The following FBXO11 variants were observed in gnomAD, a reference collection of about 807,000 sequenced individuals.
FBXO11 encodes F-box only protein 11.
Under a neutral mutation model 117.0 loss-of-function variants are expected in FBXO11, and 13 were observed. That is an observed-to-expected ratio of 0.11 (90% confidence interval 0.07 to 0.18). The LOEUF is 0.18. FBXO11 is among the 10% of genes least tolerant of loss of function. FBXO11 has a pLI of 1.00. For synonymous variants in FBXO11, 490 were observed against 380.5 expected, an observed-to-expected ratio of 1.29 and a Z score of -3.35; for missense variants, 767 against 1,164.4, an observed-to-expected ratio of 0.66 and a Z score of 4.97.
At chr2:47,885,538 G>A (rs1676762978) in intron 1 of FBXO11, among the ~76,000 whole-genome samples, 1 of 151,834 alleles carries the variant, frequency 6.6e-6, no homozygotes, top group South Asian at 2.1e-4. Flanking sequence ...TCACACCACT[G>A]CACTCCAGCC....
chr2:47,863,019 C>T (rs936046585), intron 1 of FBXO11, among the ~76,000 whole-genome samples: 4 of 147,704 alleles, frequency 2.7e-5, no homozygotes, highest in Admixed American at 1.4e-4. Context: ...CGCGCCATCA[C>T]ACTCCAGCCT....
Position 47,809,169 on chromosome 2 carries a change from A to G in FBXO11, c.2544T>C (p.His848=), listed in dbSNP as rs765634013. ...TATTTCTAAGTTACCTGTAGAAATC[A>G]TGCATGGGATAGCTGGTATAACTTG... ...KISSYTSYPM[H]DFYRCHTCNT... is the part of the protein sequence containing the mutation. Residue 848 remains histidine (H), a synonymous_variant, in exon 21 of 23, where the codon CAT becomes CAC. Coordinates refer to ENST00000403359, the MANE Select transcript of FBXO11 (RefSeq NM_001190274.2). 1.9e-6 allele frequency: 3 copies of G among 1,572,804 alleles called. No homozygotes were observed. The highest frequency in any genetic ancestry group is 2.3e-5 in the East Asian group (1 of 44,180).
chr2:47,901,063 GTATA>G (rs562381351), intron 1 of FBXO11, among the ~76,000 whole-genome samples: 7 of 107,602 alleles, frequency 6.5e-5, no homozygotes, highest in South Asian at 2.6e-4. Flanking sequence ...ACATATATAT[GTATA>G]TATATACACA....
rs750843302 is a variant in FBXO11, at chr2:47,839,491, T to C, written c.370A>G (p.Thr124Ala). The change falls in exon 3 of 23, where the codon ACT (threonine) becomes GCT (alanine). Residue 124 changes from threonine (T) to alanine (A), a missense_variant. By Grantham distance (58) the Thr-to-Ala change is moderately conservative. Around this residue, in one of 10 missense-constraint regions of FBXO11, gnomAD observed 355 missense variants for 299.8 expected, o/e 1.18. Transcript: ENST00000403359. Reference sequence around the variant, plus strand: ...TGACCAAAGTTTTCTGTAGTTGAAGTTGAGGCGCCCTTCAAAAACAAAACA... The same window carrying C: ...TGACCAAAGTTTTCTGTAGTTGAAGCTGAGGCGCCCTTCAAAAACAAAACA... Reference protein sequence around the residue: ...PTKNSMEGASTSTTENFGHRA... With the variant: ...PTKNSMEGASASTTENFGHRA... 1.2e-6 allele frequency: 2 copies of C among 1,613,700 alleles called. No individual in the cohort carries two copies.
At position 47,807,310 on chromosome 2, in the gene FBXO11, T is replaced by A. The variant is rs1339553346; in HGVS notation, c.*808A>T. On this transcript the variant is annotated 3_prime_UTR_variant, in exon 23 of 23. Transcript: ENST00000403359. ...TTAAAACATAGTAGTTTTTTACCTT[T>A]CACAAAACTGAGTTACAAGAATACT... is the stretch of plus-strand genomic sequence containing the variant. 1 of 215,470 alleles carries A rather than the reference T, an allele frequency of 4.6e-6. No individual in the cohort carries two copies. Among genetic ancestry groups the A allele is most frequent in the African/African-American group, 2.3e-5 (1 of 44,252 alleles). The allele number at this position is 215,470 out of a possible 1,614,324, so 13.3% of individuals were successfully genotyped here.
At chr2:47,867,109 AT>A (rs1331166912) in intron 1 of FBXO11, among the ~76,000 whole-genome samples, 1 of 152,122 alleles carries the variant, frequency 6.6e-6, no homozygotes, top group African/African-American at 2.4e-5. Flanking sequence ...AATTGCTTTA[AT>A]TACTTAATTT....
In FBXO11 at chr2:47,808,398, T is replaced by A. The variant is rs1273962149; in HGVS notation, c.2585A>T (p.Asn862Ile). Residue 862 changes from asparagine to isoleucine, a missense_variant, in exon 22 of 23, where the codon AAT (asparagine) becomes ATT (isoleucine). Asn to Ile is a moderately radical substitution (Grantham distance 149). Transcript: ENST00000403359. ...CTTAATGCAGTTCACACATATGGCA[T>A]TTCGATCTGTGGTGTTACAAGTATG... ...RCHTCNTTDR[N>I]AICVNCIKKC... 1 of 1,606,530 alleles carries A rather than the reference T, an allele frequency of 6.2e-7. No individual in the cohort carries two copies. Among genetic ancestry groups the A allele is most frequent in the Non-Finnish European group, 8.5e-7 (1 of 1,176,946 alleles).
chr2:47,891,663 T>C (rs1320613229), intron 1 of FBXO11, among the ~76,000 whole-genome samples: 2 of 152,198 alleles, frequency 1.3e-5, no homozygotes, highest in Admixed American at 6.5e-5. Flanking sequence ...GATCATATGA[T>C]AGTTCTATTT....
rs563932479 is a variant in FBXO11, at chr2:47,853,504, T to A, written c.233-13735A>T. 5.2e-4 allele frequency among the ~76,000 whole-genome samples: 79 copies of A among 152,320 alleles called. 1 individual carries two copies. The highest frequency in any genetic ancestry group is 1.3e-4 in the Non-Finnish European group (9 of 68,018). Reference sequence around the variant, plus strand: ...TCAGATGTTTTAGTATTGTAAATAGTAGTATGTGGAGACAGTATAGCACAA... The same window carrying A: ...TCAGATGTTTTAGTATTGTAAATAGAAGTATGTGGAGACAGTATAGCACAA... On this transcript the variant is annotated intron_variant, in intron 1 of 22. Transcript: ENST00000403359.
At chr2:47,894,897 T>G (rs568668277) in intron 1 of FBXO11, among the ~76,000 whole-genome samples, 18 of 152,308 alleles carry the variant, frequency 1.2e-4, no homozygotes, top group Admixed American at 6.5e-4. Context: ...CCTCTGTTTT[T>G]TGTGGAAAAG....
intron 11 of FBXO11, among the ~76,000 whole-genome samples, chr2:47,827,313 GTTTGTT>G (rs1248513892): frequency 3.9e-5 from 6 of 152,098 alleles, no homozygotes; most frequent in Non-Finnish European, 7.4e-5. Context: ...TTTTTTGTTT[GTTTGTT>G]TTTGTTTTTG....
intron 1 of FBXO11, among the ~76,000 whole-genome samples, chr2:47,863,564 T>C (rs1191592231): frequency 6.6e-6 from 1 of 152,186 alleles, no homozygotes; most frequent in East Asian, 1.9e-4. Context: ...TTTCAAAAGT[T>C]TCCCCTAGTT....
chr2:47,817,017 C>T (rs142665718), intron 16 of FBXO11, among the ~76,000 whole-genome samples: 10 of 152,344 alleles, frequency 6.6e-5, no homozygotes, highest in Non-Finnish European at 1.0e-4. Context: ...CTTCTCCCCT[C>T]TAGCTATGAA....
chr2:47,882,253 T>A (rs1676484857), intron 1 of FBXO11, among the ~76,000 whole-genome samples: 1 of 152,224 alleles, frequency 6.6e-6, no homozygotes, highest in Non-Finnish European at 1.5e-5. Context: ...ATCTTATAAA[T>A]GTTGTTCGAC....
chr2:47,863,947 A>G (rs1674992603), intron 1 of FBXO11, among the ~76,000 whole-genome samples: 1 of 152,074 alleles, frequency 6.6e-6, no homozygotes, highest in East Asian at 1.9e-4. Context: ...TCTCAAAAAA[A>G]AAAAAACCAA....
At chr2:47,874,455 T>G (rs1008948496) in intron 1 of FBXO11, among the ~76,000 whole-genome samples, 1 of 151,942 alleles carries the variant, frequency 6.6e-6, no homozygotes, top group African/African-American at 2.4e-5. Flanking sequence ...ACTTTTAAAA[T>G]AAATTTTAAA....
intron 1 of FBXO11, among the ~76,000 whole-genome samples, chr2:47,874,462 T>A (rs1675849374): frequency 4.0e-5 from 6 of 151,884 alleles, no homozygotes; most frequent in Admixed American, 3.9e-4. Context: ...AAATAAATTT[T>A]AAAAGGAACT....
intron 1 of FBXO11, among the ~76,000 whole-genome samples, chr2:47,844,216 A>G (rs1673230771): frequency 6.6e-6 from 1 of 152,042 alleles, no homozygotes; most frequent in Admixed American, 6.5e-5. Context: ...CTGATCTATT[A>G]CCTCATTGCT....
At chr2:47,813,433 T>TTTTA (rs1670770044) in intron 17 of FBXO11, 56 bp from the exon 18 acceptor site, 1 of 1,008,536 alleles carries the variant, frequency 9.9e-7, no homozygotes, top group South Asian at 2.0e-5. Context: ...TAATTTTTTT[T>TTTTA]TTTTTTTTTT....
Sources: allele counts gnomAD v4.1 joint callset (sites outside exome capture counted in the v4.1 genomes callset), GRCh38; gene constraint gnomAD v4.1.1; regional missense constraint gnomAD v4.1.1; transcripts MANE v1.5; gene names NCBI Gene and HGNC (gene_info 2026-07-23, HGNC 2026-07-21).